PLEKHA7: variants seen among roughly 807,000 people sequenced by gnomAD.
The protein encoded by PLEKHA7 is pleckstrin homology domain-containing family A member 7.
A neutral mutation model predicts 170.0 loss-of-function variants in PLEKHA7; 104 were observed. The observed-to-expected ratio is 0.61, with a 90% CI of 0.52 to 0.72. PLEKHA7 has a LOEUF of 0.72. Among genes scored for constraint, PLEKHA7 ranks in the 30% least tolerant of loss-of-function variants. PLEKHA7 has a pLI of 0.00. For synonymous variants in PLEKHA7, 648 were observed against 660.8 expected (o/e 0.98, Z 0.30); for missense variants, 1,615 against 1,671.7 (o/e 0.97, Z 0.59).
chr11:16,850,850 G>A (rs1437865168), intron 8 of PLEKHA7, among the ~76,000 whole-genome samples: 2 of 152,146 alleles, frequency 1.3e-5, no homozygotes, highest in Non-Finnish European at 2.9e-5. Context: ...ACTATGAGGG[G>A]TCACCAGTTG....
At chr11:16,875,528 C>A (rs1392979138) in intron 3 of PLEKHA7, among the ~76,000 whole-genome samples, 2 of 151,948 alleles carry the variant, frequency 1.3e-5, no homozygotes, top group Non-Finnish European at 2.9e-5. Context: ...CTCACAGTAG[C>A]TTCGACCTCC....
intron 17 of PLEKHA7, among the ~76,000 whole-genome samples, chr11:16,798,690 T>C (rs753209284): frequency 2.6e-5 from 4 of 152,230 alleles, no homozygotes; most frequent in Non-Finnish European, 4.4e-5. Flanking sequence ...GTACTTTCAT[T>C]TGCTGTGGGT....
chr11:16,831,449 G>A (rs1214618604), intron 9 of PLEKHA7, among the ~76,000 whole-genome samples: 1 of 152,170 alleles, frequency 6.6e-6, no homozygotes, highest in Non-Finnish European at 1.5e-5. Context: ...GTATTACTCA[G>A]GCAGCTTGGC....
chr11:16,888,720 G>A (rs1376726333), intron 3 of PLEKHA7, among the ~76,000 whole-genome samples: 2 of 152,116 alleles, frequency 1.3e-5, no homozygotes, highest in Non-Finnish European at 2.9e-5. Flanking sequence ...CAAGGCCGCA[G>A]GGTCCTCTGC....
intron 3 of PLEKHA7, among the ~76,000 whole-genome samples, chr11:16,873,477 T>C (rs1470579829): frequency 6.6e-6 from 1 of 152,166 alleles, no homozygotes; most frequent in African/African-American, 2.4e-5. Context: ...CTGAATTCCC[T>C]GCTCCTGGTC....
chr11:16,940,278 G>A (rs974902934), intron 3 of PLEKHA7, among the ~76,000 whole-genome samples: 4 of 137,450 alleles, frequency 2.9e-5, no homozygotes, highest in Non-Finnish European at 4.7e-5. Flanking sequence ...CTTTTCTTCT[G>A]CTGTTTTTTT....
At position 16,854,973 on chromosome 11, in the gene PLEKHA7, T is replaced by G. The variant is rs557162435; in HGVS notation, c.438A>C (p.Lys146Asn). The G allele has an allele frequency of 4.2e-5, 68 of 1,613,934 alleles. No homozygotes were observed. Among genetic ancestry groups the G allele is most frequent in the Non-Finnish European group, 5.6e-5 (66 of 1,179,968 alleles). ...GGTCTCTCTTCCCAAAGCTGTGGAC[T>G]TTACTGCTGGACTTTATGATCTATG... ...PGPKIIKSSS[K>N]VHSFGKRDQA... Residue 146 changes from lysine to asparagine, a missense_variant, in exon 6 of 27, where the codon AAA becomes AAC. By Grantham distance (94) the Lys-to-Asn change is moderately conservative. Coordinates refer to ENST00000531066, the MANE Select transcript of PLEKHA7 (RefSeq NM_001329630.2).
intron 9 of PLEKHA7, among the ~76,000 whole-genome samples, chr11:16,828,799 T>C (rs954932655): frequency 8.5e-5 from 13 of 152,162 alleles, no homozygotes; most frequent in African/African-American, 2.4e-4. Context: ...GGTTCAGGAG[T>C]TGACTACTCC....
At chr11:16,784,373 C>T (rs967192009) in intron 24 of PLEKHA7, among the ~76,000 whole-genome samples, 1 of 152,210 alleles carries the variant, frequency 6.6e-6, no homozygotes, top group Non-Finnish European at 1.5e-5. Flanking sequence ...TAGTAGCCCT[C>T]CAACTAATTC....
intron 17 of PLEKHA7, 42 bp downstream of exon 17, chr11:16,800,932 A>G (rs1312785680): frequency 1.3e-6 from 2 of 1,561,628 alleles, no homozygotes; most frequent in Non-Finnish European, 1.8e-6. Context: ...AACAAAAAAC[A>G]AAAAACAAGA....
intron 3 of PLEKHA7, among the ~76,000 whole-genome samples, chr11:16,933,544 C>T (rs567240318): frequency 2.0e-5 from 3 of 152,122 alleles, no homozygotes; most frequent in Non-Finnish European, 4.4e-5. Context: ...AGACTTCCAG[C>T]GTTTTGGTTT....
At chr11:17,007,626 T>G (rs913436182) in intron 3 of PLEKHA7, among the ~76,000 whole-genome samples, 1 of 148,242 alleles carries the variant, frequency 6.7e-6, no homozygotes, top group South Asian at 2.1e-4. Flanking sequence ...CAGGCTGGAG[T>G]GCAGTGGCGT....
At chr11:16,781,164 G>A (rs540593956) in intron 26 of PLEKHA7, 16 of 257,032 alleles carry the variant, frequency 6.2e-5, no homozygotes, top group African/African-American at 1.8e-4. Flanking sequence ...TGCCCACCAC[G>A]AAGGGCCTGG....
At position 16,791,095 on chromosome 11, in the gene PLEKHA7, G is replaced by T. The variant is rs779918451; in HGVS notation, c.2850C>A (p.His950Gln). The T allele has an allele frequency of 6.2e-7, 1 of 1,614,188 alleles. No homozygotes were observed. The highest frequency in any genetic ancestry group is 8.5e-7 in the Non-Finnish European group (1 of 1,180,038). The change falls in exon 20 of 27, where the codon CAC (histidine) becomes CAA (glutamine). Residue 950 changes from histidine to glutamine, a missense_variant. By Grantham distance (24) the His-to-Gln change is conservative. Coordinates refer to ENST00000531066, the MANE Select transcript of PLEKHA7 (RefSeq NM_001329630.2). The surrounding 1 kb of genome is among the most constrained non-coding windows in gnomAD (Gnocchi z 4.5). ...PLPREATIIRHTSVRGLKRQS... is the reference protein window; with the variant it reads ...PLPREATIIRQTSVRGLKRQS... ...GCCGCTTGAGGCCCCGCACAGATGT[G>T]TGCCGGATGATGGTGGCCTCTCTTG...
chr11:16,887,025 T>G (rs1459213551), intron 3 of PLEKHA7, among the ~76,000 whole-genome samples: 1 of 152,124 alleles, frequency 6.6e-6, no homozygotes, highest in Admixed American at 6.6e-5. Context: ...ACTTCTCAGT[T>G]TATCAGTTTA....
At chr11:16,873,235 G>A (rs560196025) in intron 3 of PLEKHA7, among the ~76,000 whole-genome samples, 17 of 152,258 alleles carry the variant, frequency 1.1e-4, no homozygotes, top group Non-Finnish European at 2.2e-4. Flanking sequence ...ATAGCACAAA[G>A]GTTATAAAAG....
intron 3 of PLEKHA7, among the ~76,000 whole-genome samples, chr11:16,960,481 G>T (rs56918856): frequency 6.6e-6 from 1 of 152,042 alleles, no homozygotes; most frequent in Non-Finnish European, 1.5e-5. Flanking sequence ...CACCTCCACC[G>T]CCATGGGCAG....
At chr11:16,917,228 A>G (rs1412620903) in intron 3 of PLEKHA7, among the ~76,000 whole-genome samples, 1 of 152,138 alleles carries the variant, frequency 6.6e-6, no homozygotes, top group Non-Finnish European at 1.5e-5. Context: ...CAAAAAAATA[A>G]AAAATAAAAA....
At position 16,854,875 on chromosome 11, in the gene PLEKHA7, C is replaced by T; in HGVS notation, c.522+14G>A. ...GCCATTTCCTCCAGGATTCTCACTC[C>T]TCGGCTTCCTCACCTGCTTGTGCAG... is the stretch of plus-strand genomic sequence containing the variant. On this transcript the variant is annotated intron_variant, in intron 6 of 26. Transcript: ENST00000531066. 8 of 1,610,708 alleles carry T rather than the reference C, an allele frequency of 5.0e-6. No homozygotes were observed. The highest frequency in any genetic ancestry group is 5.9e-6 in the Non-Finnish European group (7 of 1,176,952).
Sources: allele counts gnomAD v4.1 joint callset (sites outside exome capture counted in the v4.1 genomes callset), GRCh38; gene constraint gnomAD v4.1.1; non-coding constraint Gnocchi (gnomAD v3.1); transcripts MANE v1.5; gene names NCBI Gene and HGNC (gene_info 2026-07-23, HGNC 2026-07-21).